Variants in B4GALNT3 observed in about 807,000 individuals in gnomAD.
The protein encoded by B4GALNT3 is beta-1,4-N-acetylgalactosaminyltransferase 3.
B4GALNT3 carries 86 observed loss-of-function variants against 120.2 expected under a neutral mutation model. The observed-to-expected ratio is 0.72, with a 90% CI of 0.60 to 0.86. The LOEUF is 0.86. Among genes scored for constraint, B4GALNT3 ranks in the 40% least tolerant of loss-of-function variants. The pLI is 0.00. For missense variants in B4GALNT3, 1,167 were observed against 1,298.9 expected (o/e 0.90, Z 1.56); for synonymous variants, 518 against 510.4 (o/e 1.01, Z -0.20).
At chr12:531,447 A>G (rs897923196) in intron 1 of B4GALNT3, among the ~76,000 whole-genome samples, 2 of 152,078 alleles carry the variant, frequency 1.3e-5, no homozygotes, top group Non-Finnish European at 2.9e-5. Context: ...CCAGGAGTTC[A>G]AGACCAACCT....
intron 7 of B4GALNT3, 82 bp from the exon 8 acceptor site, chr12:547,942 G>C (rs1454523585): frequency 8.4e-7 from 1 of 1,185,058 alleles, no homozygotes; most frequent in East Asian, 2.4e-5. Context: ...GGAGTGTAAG[G>C]TGCTGGAAGG....
intron 1 of B4GALNT3, among the ~76,000 whole-genome samples, chr12:523,260 C>G (rs971907882): frequency 2.0e-5 from 3 of 152,174 alleles, no homozygotes; most frequent in African/African-American, 4.8e-5. Flanking sequence ...ATATGCCAGG[C>G]CTCTCACTAA....
chr12:498,228 C>T (rs1946406860), intron 1 of B4GALNT3, among the ~76,000 whole-genome samples: 1 of 152,084 alleles, frequency 6.6e-6, no homozygotes, highest in African/African-American at 2.4e-5. Context: ...TATCATGAAG[C>T]CAGCCTTGTC....
At chr12:545,005 C>T (rs750548282) in intron 5 of B4GALNT3, 33 bp downstream of exon 5, 3 of 1,607,618 alleles carry the variant, frequency 1.9e-6, no homozygotes, top group African/African-American at 2.7e-5. Flanking sequence ...ATCCTTCTTC[C>T]TGCTCTAGAG....
chr12:486,864 G>T (rs955722551), intron 1 of B4GALNT3, among the ~76,000 whole-genome samples: 1 of 152,168 alleles, frequency 6.6e-6, no homozygotes, highest in African/African-American at 2.4e-5. Flanking sequence ...ACCAGAGTAG[G>T]TATGGAAGAA....
At chr12:481,876 AT>A (rs1187010747) in intron 1 of B4GALNT3, among the ~76,000 whole-genome samples, 2 of 151,910 alleles carry the variant, frequency 1.3e-5, no homozygotes, top group African/African-American at 4.8e-5. Context: ...GCATCAAGAT[AT>A]TTCTGTCCTC....
At chr12:516,132 C>T (rs561581583) in intron 1 of B4GALNT3, among the ~76,000 whole-genome samples, 3 of 143,784 alleles carry the variant, frequency 2.1e-5, no homozygotes, top group Non-Finnish European at 1.5e-5. Context: ...GGCGACAGAG[C>T]GAGACTCCGT....
rs1023708967 is a variant in B4GALNT3, at chr12:550,709, G to C, written c.998-213G>C. 3.9e-5 allele frequency among the ~76,000 whole-genome samples: 6 copies of C among 152,194 alleles called. No individual in the cohort carries two copies. The highest frequency in any genetic ancestry group is 1.4e-4 in the African/African-American group (6 of 41,466). On this transcript the variant is annotated intron_variant, in intron 10 of 19. Coordinates refer to ENST00000266383, the MANE Select transcript of B4GALNT3 (RefSeq NM_173593.4). The surrounding 1 kb of genome is among the most constrained non-coding windows in gnomAD (Gnocchi z 4.1). ...GATCAAACGGTGCCTTGTACCTGGG[G>C]CTGTGTGCTGAGTCCTCTGCTGCCA...
At chr12:522,546 G>C (rs986957574) in intron 1 of B4GALNT3, among the ~76,000 whole-genome samples, 1 of 152,168 alleles carries the variant, frequency 6.6e-6, no homozygotes, top group East Asian at 1.9e-4. Context: ...TAATGGGTAC[G>C]GAGTTTCAGT....
Position 538,560 on chromosome 12 carries a change from CA to C in B4GALNT3, c.351+2286del, listed in dbSNP as rs771053015. ...AGTGACAGAGTTGAGAACCCCATCT[CA>C]AAAAAAAAAAAAAAAAAAAAGAAAT... is the stretch of plus-strand genomic sequence containing the variant. On this transcript the variant is annotated intron_variant, in intron 3 of 19. Transcript: ENST00000266383. 7.0e-3 allele frequency among the ~76,000 whole-genome samples: 447 copies of C among 64,074 alleles called. 2 individuals carry two copies. Among genetic ancestry groups the C allele is most frequent in the South Asian group, 0.026 (49 of 1,882 alleles). The allele number at this position is 64,074 out of a possible 152,430, so 42.0% of individuals were successfully genotyped here.
chr12:546,876 C>T lies in B4GALNT3; in HGVS notation c.707+163C>T, dbSNP rs74920538. 3,673 of 663,104 alleles carry T rather than the reference C, an allele frequency of 5.5e-3. 93 individuals are homozygous for T. Among genetic ancestry groups the T allele is most frequent in the African/African-American group, 0.054 (3,002 of 55,194 alleles). The allele number at this position is 663,104 out of a possible 1,614,324, so 41.1% of individuals were successfully genotyped here. ...TTTGGCTCAGAAGCCGCGAGCCCAT[C>T]CGTCCTCGTTTCACAGATGGGGAAA... is the stretch of plus-strand genomic sequence containing the variant. On this transcript the variant is annotated intron_variant, in intron 7 of 19. Coordinates refer to ENST00000266383, the MANE Select transcript of B4GALNT3 (RefSeq NM_173593.4).
chr12:558,887 TCTC>T (rs1446699190), intron 18 of B4GALNT3, among the ~76,000 whole-genome samples: 1 of 151,498 alleles, frequency 6.6e-6, no homozygotes, highest in Non-Finnish European at 1.5e-5. Context: ...TGCGCCGTCT[TCTC>T]CTTGATTCAT....
chr12:543,609 A>G (rs1385954111), intron 3 of B4GALNT3, among the ~76,000 whole-genome samples: 2 of 101,788 alleles, frequency 2.0e-5, no homozygotes, highest in African/African-American at 4.3e-5. Context: ...GGAGCTGAGG[A>G]GCTGGGGCGG....
chr12:493,921 C>T (rs542293536), intron 1 of B4GALNT3, among the ~76,000 whole-genome samples: 5 of 152,322 alleles, frequency 3.3e-5, no homozygotes, highest in South Asian at 2.1e-4. Context: ...GTTCACTCAG[C>T]GTGAGGTTCC....
chr12:466,864 T>C (rs886647892), intron 1 of B4GALNT3, among the ~76,000 whole-genome samples: 16 of 152,212 alleles, frequency 1.1e-4, no homozygotes, highest in African/African-American at 3.6e-4. Flanking sequence ...GTCCCTGTGG[T>C]TCCTCTTTTT....
At chr12:518,471 T>C (rs1213632425) in intron 1 of B4GALNT3, among the ~76,000 whole-genome samples, 1 of 152,210 alleles carries the variant, frequency 6.6e-6, no homozygotes. Flanking sequence ...TGGAGTGCAG[T>C]GGTGATCATA....
chr12:517,788 G>A (rs372938812), intron 1 of B4GALNT3, among the ~76,000 whole-genome samples: 2 of 152,256 alleles, frequency 1.3e-5, no homozygotes, highest in East Asian at 1.9e-4. Flanking sequence ...AGGCAGGCTG[G>A]GTGTGAACTC....
intron 1 of B4GALNT3, among the ~76,000 whole-genome samples, chr12:512,526 T>C (rs1331136303): frequency 7.6e-6 from 1 of 132,072 alleles, no homozygotes; most frequent in Admixed American, 7.6e-5. Flanking sequence ...ACCTTCGACC[T>C]TCTTCCACCT....
chr12:543,532 A>G (rs1292186842), intron 3 of B4GALNT3, among the ~76,000 whole-genome samples: 5 of 70,866 alleles, frequency 7.1e-5, no homozygotes, highest in South Asian at 6.3e-4. Flanking sequence ...AGGAGCTGGG[A>G]CGGGCATGGG....
Sources: allele counts gnomAD v4.1 joint callset (sites outside exome capture counted in the v4.1 genomes callset), GRCh38; gene constraint gnomAD v4.1.1; non-coding constraint Gnocchi (gnomAD v3.1); transcripts MANE v1.5; gene names NCBI Gene and HGNC (gene_info 2026-07-23, HGNC 2026-07-21).